The following EHBP1 variants were observed in gnomAD, a reference collection of about 807,000 sequenced individuals.
EHBP1 encodes EH domain binding protein 1.
A neutral mutation model predicts 144.0 loss-of-function variants in EHBP1; 55 were observed. The ratio of observed to expected loss-of-function variants is 0.38; its 90% confidence interval spans 0.31 to 0.48. The LOEUF (loss-of-function observed/expected upper bound fraction) is 0.48, where lower values mean the gene tolerates loss of function less well. Among genes scored for constraint, EHBP1 ranks in the 20% least tolerant of loss-of-function variants. EHBP1 has a pLI of 0.98. For synonymous variants in EHBP1, 469 were observed against 472.7 expected (o/e 0.99, Z 0.10); for missense variants, 1,200 against 1,364.2 (o/e 0.88, Z 1.90).
intron 1 of EHBP1, among the ~76,000 whole-genome samples, chr2:62,691,411 G>A (rs2033900579): frequency 1.3e-5 from 2 of 152,148 alleles, no homozygotes; most frequent in Non-Finnish European, 2.9e-5. Context: ...CCCTCCCTTG[G>A]AGGAGACTTT....
At position 62,711,259 on chromosome 2, in the gene EHBP1, A is replaced by G. The variant is rs181343489; in HGVS notation, c.104+3964A>G. On this transcript the variant is annotated intron_variant, in intron 2 of 22. Transcript: ENST00000431489. ...TAAGTGTACAGTTCAGTGAGTTTTGACAATTTTATGTACCCATGTAGCTGG... is the reference window on the plus strand; with the variant it reads ...TAAGTGTACAGTTCAGTGAGTTTTGGCAATTTTATGTACCCATGTAGCTGG... 4.6e-5 allele frequency among the ~76,000 whole-genome samples: 7 copies of G among 152,334 alleles called. No individual in the cohort carries two copies. The East Asian group carries it at 1.3e-3, about 29-fold the overall frequency.
chr2:62,740,608 A>C (rs967308112), intron 2 of EHBP1, among the ~76,000 whole-genome samples: 2 of 152,212 alleles, frequency 1.3e-5, no homozygotes, highest in African/African-American at 4.8e-5. Context: ...CCCTAAAAGA[A>C]ATAACCTTAT....
rs544730259 is a variant in EHBP1, at chr2:63,016,936, T to C, written c.3103+20170T>C. On this transcript the variant is annotated intron_variant, in intron 19 of 22. Transcript: ENST00000431489. Reference sequence around the variant, plus strand: ...GGGCCCATAGGTCTTTTACTGTTGTTAGCATAACTACAGGAGAGGCTGTTC... The same window carrying C: ...GGGCCCATAGGTCTTTTACTGTTGTCAGCATAACTACAGGAGAGGCTGTTC... Among the ~76,000 whole-genome samples, 7 of 152,302 alleles carry C rather than the reference T, an allele frequency of 4.6e-5. No homozygotes were observed. The South Asian group carries it at 1.5e-3, about 32-fold the overall frequency.
chr2:62,681,717 A>G (rs898685976), intron 1 of EHBP1, among the ~76,000 whole-genome samples: 3 of 152,146 alleles, frequency 2.0e-5, no homozygotes, highest in Admixed American at 1.3e-4. Context: ...CTTCTGCATG[A>G]ATACTAGTGG....
chr2:62,846,927 C>A (rs1425417753), intron 7 of EHBP1, among the ~76,000 whole-genome samples: 3 of 152,128 alleles, frequency 2.0e-5, no homozygotes, highest in Non-Finnish European at 2.9e-5. Context: ...GTAAATCCAA[C>A]TCAATGCCAG....
intron 14 of EHBP1, among the ~76,000 whole-genome samples, chr2:62,978,104 A>T (rs2058796694): frequency 6.6e-6 from 1 of 152,192 alleles, no homozygotes; most frequent in Non-Finnish European, 1.5e-5. Flanking sequence ...AGATTATTTC[A>T]GTCTTTGTTT....
chr2:62,792,570 A>G (rs71422359), intron 5 of EHBP1, among the ~76,000 whole-genome samples: 4,252 of 152,134 alleles, frequency 0.028, 76 homozygotes, highest in Non-Finnish European at 0.042. Flanking sequence ...TATATACTAT[A>G]TTTATGGATT....
chr2:62,984,962 T>G (rs2059125752), intron 15 of EHBP1, among the ~76,000 whole-genome samples: 1 of 152,154 alleles, frequency 6.6e-6, no homozygotes, highest in African/African-American at 2.4e-5. Context: ...CTTACCTATT[T>G]TTTTTCATGG....
At chr2:62,918,850 A>G (rs529738670) in intron 10 of EHBP1, among the ~76,000 whole-genome samples, 3 of 152,332 alleles carry the variant, frequency 2.0e-5, no homozygotes, top group African/African-American at 7.2e-5. Context: ...ATAACGGGGT[A>G]GCAAGCACCA....
intron 19 of EHBP1, among the ~76,000 whole-genome samples, chr2:63,033,670 A>G (rs961164855): frequency 6.6e-6 from 1 of 152,160 alleles, no homozygotes; most frequent in Non-Finnish European, 1.5e-5. Context: ...CATCACTTTT[A>G]TTCATTTTAA....
chr2:62,758,388 C>G (rs1234120766), intron 3 of EHBP1, among the ~76,000 whole-genome samples: 1 of 152,114 alleles, frequency 6.6e-6, no homozygotes, highest in Non-Finnish European at 1.5e-5. Context: ...GATTACAAGC[C>G]TGATCCACCA....
intron 7 of EHBP1, among the ~76,000 whole-genome samples, chr2:62,855,088 G>T (rs1286383765): frequency 6.6e-6 from 1 of 152,196 alleles, no homozygotes; most frequent in Non-Finnish European, 1.5e-5. Flanking sequence ...TTGCCCAAAC[G>T]GCGGCTGCAG....
rs569294941 is a variant in EHBP1, at chr2:62,768,966, C to G, written c.259-2373C>G. 2.1e-3 allele frequency among the ~76,000 whole-genome samples: 325 copies of G among 152,192 alleles called. 3 individuals are homozygous for G. Among genetic ancestry groups the G allele is most frequent in the African/African-American group, 6.1e-3 (253 of 41,530 alleles). ...AAGGCTTTTGATAAAATTCAACATCCCTTTGTGTTAAAGACTCTCAAAACT... is the reference window on the plus strand; with the variant it reads ...AAGGCTTTTGATAAAATTCAACATCGCTTTGTGTTAAAGACTCTCAAAACT... On this transcript the variant is annotated intron_variant, in intron 4 of 22. Transcript: ENST00000431489.
intron 15 of EHBP1, 98 bp downstream of exon 15, chr2:62,979,433 A>C (rs2058861461): frequency 3.0e-6 from 4 of 1,319,782 alleles, no homozygotes; most frequent in Non-Finnish European, 3.1e-6. Flanking sequence ...TTGCTTCAAA[A>C]ATATAAAGCT....
rs780779500 is a variant in EHBP1, at chr2:62,996,719, C to A, written c.3056C>A (p.Thr1019Asn). The A allele has an allele frequency of 1.9e-6, 3 of 1,613,078 alleles. No homozygotes were observed. Among genetic ancestry groups the A allele is most frequent in the Non-Finnish European group, 2.5e-6 (3 of 1,179,584 alleles). The change falls in exon 19 of 23, where the codon ACC (threonine) becomes AAC (asparagine). Residue 1019 changes from threonine to asparagine, a missense_variant. By Grantham distance (65) the Thr-to-Asn change is moderately conservative. This residue lies in a region of EHBP1 where 149 missense variants were observed against 217.0 expected (regional missense o/e 0.69). Coordinates refer to ENST00000431489, the MANE Select transcript of EHBP1 (RefSeq NM_001142616.3). ...GAGAATGAGCAAAAGCAAATTGACA[C>A]CCGTGCCGCGCTGGTGGAGAAGCGC... Reference protein sequence around the residue: ...ALENEQKQIDTRAALVEKRLR... With the variant: ...ALENEQKQIDNRAALVEKRLR...
chr2:62,755,977 A>G (rs1044447522), intron 3 of EHBP1, among the ~76,000 whole-genome samples: 1 of 152,144 alleles, frequency 6.6e-6, no homozygotes, highest in African/African-American at 2.4e-5. Flanking sequence ...ATTATAGGTC[A>G]ATTAAGAATA....
intron 5 of EHBP1, among the ~76,000 whole-genome samples, chr2:62,779,968 A>C (rs948211382): frequency 1.3e-5 from 2 of 152,132 alleles, no homozygotes; most frequent in African/African-American, 2.4e-5. Context: ...TTTAAAGTAC[A>C]TTTCAGATAT....
At chr2:62,968,054 G>A (rs1038418124) in intron 14 of EHBP1, among the ~76,000 whole-genome samples, 6 of 152,038 alleles carry the variant, frequency 3.9e-5, no homozygotes, top group Admixed American at 1.3e-4. Context: ...TGGATACAGT[G>A]TGTTTTCTTT....
chr2:62,964,242 C>T (rs1356567498), intron 14 of EHBP1, among the ~76,000 whole-genome samples: 1 of 152,062 alleles, frequency 6.6e-6, no homozygotes, highest in Non-Finnish European at 1.5e-5. Flanking sequence ...AACCCCTAGC[C>T]TCAAAAGTCT....
Sources: gnomAD v4.1 joint callset for allele counts (sites outside exome capture counted in the v4.1 genomes callset) on GRCh38, gnomAD v4.1.1 for gene constraint, gnomAD v4.1.1 regional missense constraint, MANE v1.5 for transcripts, NCBI Gene and HGNC (gene_info 2026-07-23, HGNC 2026-07-21) for gene names.